Variants in TMEM267 observed in about 807,000 individuals in gnomAD.
The protein encoded by TMEM267 is transmembrane protein 267.
In TMEM267, 20 loss-of-function variants were observed where a neutral mutation model predicts 19.3. The ratio of observed to expected loss-of-function variants is 1.04; its 90% CI spans 0.73 to 1.51. TMEM267 has a LOEUF of 1.51. TMEM267 is among the 40% of genes most tolerant of loss of function. The probability of loss-of-function intolerance (pLI) is 0.00; values close to 1 mark genes in which losing one functional copy is unlikely to be tolerated. For synonymous variants in TMEM267, 88 were observed against 90.3 expected, an observed-to-expected ratio of 0.97 and a Z score of 0.15; for missense variants, 242 against 261.9, an observed-to-expected ratio of 0.92 and a Z score of 0.52.
Position 43,454,023 on chromosome 5 carries a change from C to A in TMEM267, c.-54G>T. The A allele has an allele frequency of 1.9e-6, 3 of 1,558,648 alleles. No homozygotes were observed. Among genetic ancestry groups the A allele is most frequent in the Non-Finnish European group, 2.6e-6 (3 of 1,153,656 alleles). On this transcript the variant is annotated 5_prime_UTR_variant, in exon 2 of 3. Coordinates refer to ENST00000397080, the MANE Select transcript of TMEM267 (RefSeq NM_022483.5). ...AGCCATCAGGAATGAACAGTCTATT[C>A]TTGTTTACATTTCCAGCACCCTAAA...
chr5:43,469,836 A>G (rs1743956457), intron 1 of TMEM267, among the ~76,000 whole-genome samples: 1 of 152,220 alleles, frequency 6.6e-6, no homozygotes, highest in Non-Finnish European at 1.5e-5. Context: ...GCGGATCTCA[A>G]GATCTTTACC....
At position 43,473,681 on chromosome 5, in the gene TMEM267, C is replaced by T. The variant is rs139184408; in HGVS notation, c.-75+10141G>A. Among the ~76,000 whole-genome samples, 1,125 of 152,336 alleles carry T rather than the reference C, an allele frequency of 7.4e-3. 8 individuals are homozygous for T. The highest frequency in any genetic ancestry group is 0.017 in the Middle Eastern group (5 of 294). ...AATGAATATCATGAAAATGGCCATA[C>T]TGCCCAAAGTAATTTACAGATTCAA... On this transcript the variant is annotated intron_variant, in intron 1 of 2. Coordinates refer to ENST00000397080, the MANE Select transcript of TMEM267 (RefSeq NM_022483.5).
chr5:43,475,257 C>T (rs1033214724), intron 1 of TMEM267, among the ~76,000 whole-genome samples: 17 of 151,590 alleles, frequency 1.1e-4, no homozygotes, highest in African/African-American at 3.1e-4. Context: ...TCATTCTCAG[C>T]AAACTAACAG....
chr5:43,484,133 T>G (rs1744984839), upstream of TMEM267: 1 of 152,232 alleles, frequency 6.6e-6, no homozygotes, highest in Non-Finnish European at 1.5e-5. Flanking sequence ...AGGATTCGTT[T>G]TTCAGTTTAG....
chr5:43,459,512 A>G (rs965540267), intron 1 of TMEM267, among the ~76,000 whole-genome samples: 9 of 152,202 alleles, frequency 5.9e-5, no homozygotes, highest in African/African-American at 1.7e-4. Flanking sequence ...CAATATAGAA[A>G]ATAAAGAGAT....
intron 1 of TMEM267, chr5:43,454,644 G>C (rs973592786): frequency 1.3e-5 from 2 of 152,192 alleles, no homozygotes; most frequent in Non-Finnish European, 2.9e-5. Context: ...AAAGGAGAAA[G>C]GCTAATAGAA....
intron 1 of TMEM267, among the ~76,000 whole-genome samples, chr5:43,474,692 G>C (rs1303064838): frequency 6.6e-6 from 1 of 150,450 alleles, no homozygotes; most frequent in Non-Finnish European, 1.5e-5. Flanking sequence ...CCAGCAGGCA[G>C]AGGTTGTGGT....
Position 43,481,106 on chromosome 5 carries a change from CTTTT to C in TMEM267, c.-75+2712_-75+2715del, listed in dbSNP as rs70994700. ...GGCGTGAGCCACTGCGCCCGGCTTACTTTTTTTTTTTTTTTTTTTTGACAAGGTA... is the reference window on the plus strand; with the variant it reads ...GGCGTGAGCCACTGCGCCCGGCTTACTTTTTTTTTTTTTTTTGACAAGGTA... On this transcript the variant is annotated intron_variant, in intron 1 of 2. Transcript: ENST00000397080. Among the ~76,000 whole-genome samples the C allele has an allele frequency of 2.4e-3, 295 of 124,436 alleles. 3 individuals carry two copies. The highest frequency in any genetic ancestry group is 2.8e-3 in the Non-Finnish European group (167 of 60,032). 81.6% of individuals were successfully genotyped at this position (124,436 alleles called of 152,430 possible). A position where few individuals can be genotyped will look rare whatever the true frequency, so the allele number is the denominator to read the frequency against.
At position 43,481,777 on chromosome 5, in the gene TMEM267, G is replaced by A. The variant is rs1025870853; in HGVS notation, c.-75+2045C>T. On this transcript the variant is annotated intron_variant, in intron 1 of 2. Transcript: ENST00000397080. ...CCTGACTGCAACTTCATGAGACCCT[G>A]GGCCAGAACCGCCAGCTAAGTCTTG... Among the ~76,000 whole-genome samples, 3 of 152,024 alleles carry A rather than the reference G, an allele frequency of 2.0e-5. No individual in the cohort carries two copies. In the East Asian group the frequency reaches 5.8e-4, roughly 29 times the overall value.
chr5:43,464,594 G>C (rs1344265650), intron 1 of TMEM267, among the ~76,000 whole-genome samples: 4 of 152,254 alleles, frequency 2.6e-5, no homozygotes, highest in Non-Finnish European at 5.9e-5. Flanking sequence ...CATGGTACTG[G>C]TACCAAAACA....
chr5:43,464,790 T>C (rs907293941), intron 1 of TMEM267, among the ~76,000 whole-genome samples: 1 of 152,170 alleles, frequency 6.6e-6, no homozygotes, highest in Non-Finnish European at 1.5e-5. Context: ...CCTTACACCT[T>C]ATAGAAAAAT....
At position 43,453,672 on chromosome 5, in the gene TMEM267, A is replaced by G. The variant is rs745352757; in HGVS notation, c.298T>C (p.Ser100Pro). ...ATGCTTTTTACCTTTAAAGACATGGATCCAGCTAGAAAAAAGTGGTCTACA... is the reference window on the plus strand; with the variant it reads ...ATGCTTTTTACCTTTAAAGACATGGGTCCAGCTAGAAAAAAGTGGTCTACA... ...IDVDHFFLAGSMSLKAALTLP... is the reference protein window; with the variant it reads ...IDVDHFFLAGPMSLKAALTLP... Residue 100 changes from serine to proline, a missense_variant, in exon 2 of 3, where the codon TCC becomes CCC. By Grantham distance (74) the Ser-to-Pro change is moderately conservative. Transcript: ENST00000397080. 1.2e-6 allele frequency: 2 copies of G among 1,613,804 alleles called. No individual in the cohort carries two copies. The highest frequency in any genetic ancestry group is 1.7e-6 in the Non-Finnish European group (2 of 1,179,888).
At chr5:43,473,558 A>G (rs965981995) in intron 1 of TMEM267, among the ~76,000 whole-genome samples, 8 of 152,224 alleles carry the variant, frequency 5.3e-5, no homozygotes, top group Admixed American at 5.2e-4. Context: ...AGGGATATGA[A>G]GGACCTCTTC....
chr5:43,460,129 A>G (rs1477135895), intron 1 of TMEM267, among the ~76,000 whole-genome samples: 2 of 152,170 alleles, frequency 1.3e-5, no homozygotes, highest in Non-Finnish European at 2.9e-5. Context: ...TCCAATGAGA[A>G]GCTAACGCTG....
rs1192247450 is a variant in TMEM267, at chr5:43,445,672, T to C, written c.*550A>G. On this transcript the variant is annotated 3_prime_UTR_variant, in exon 3 of 3. Coordinates refer to ENST00000397080, the MANE Select transcript of TMEM267 (RefSeq NM_022483.5). ...AGGTTTTGCCAGTAATCATAACTCATAAAGCATTCTGCAAATTAAATTTCA... is the reference window on the plus strand; with the variant it reads ...AGGTTTTGCCAGTAATCATAACTCACAAAGCATTCTGCAAATTAAATTTCA... The C allele has an allele frequency of 6.6e-6, 1 of 152,240 alleles. No individual in the cohort carries two copies. Among genetic ancestry groups the C allele is most frequent in the Non-Finnish European group, 1.5e-5 (1 of 68,062 alleles). The allele number at this position is 152,240 out of a possible 1,614,324, so 9.4% of individuals were successfully genotyped here. A position where few individuals can be genotyped will look rare whatever the true frequency, so the allele number is the denominator to read the frequency against.
In TMEM267 at chr5:43,483,825, G is replaced by A. The variant is rs116438961; in HGVS notation, c.-78C>T. The A allele has an allele frequency of 7.9e-3, 1,201 of 152,390 alleles. 5 individuals are homozygous for A. Among genetic ancestry groups the A allele is most frequent in the Admixed American group, 0.01 (160 of 15,298 alleles). 9.4% of individuals were successfully genotyped at this position (152,390 alleles called of 1,614,324 possible). A position where few individuals can be genotyped will look rare whatever the true frequency, so the allele number is the denominator to read the frequency against. On this transcript the variant is annotated 5_prime_UTR_variant, in exon 1 of 3. Transcript: ENST00000397080. ...GCAGCGGCTCAGCCATACCCACCCCGGCTTCTCTGAGTTCAATCCAGCAGC... is the reference window on the plus strand; with the variant it reads ...GCAGCGGCTCAGCCATACCCACCCCAGCTTCTCTGAGTTCAATCCAGCAGC...
At chr5:43,480,176 AG>A (rs1744675034) in intron 1 of TMEM267, among the ~76,000 whole-genome samples, 1 of 152,170 alleles carries the variant, frequency 6.6e-6, no homozygotes, top group African/African-American at 2.4e-5. Flanking sequence ...CCTTCAATAA[AG>A]TATGGCCTGT....
intron 1 of TMEM267, among the ~76,000 whole-genome samples, chr5:43,477,142 C>T (rs928909944): frequency 2.0e-5 from 3 of 151,910 alleles, no homozygotes; most frequent in African/African-American, 4.8e-5. Context: ...TAAAAAACTA[C>T]GATCGCCCTA....
intron 2 of TMEM267, among the ~76,000 whole-genome samples, chr5:43,451,267 T>C (rs565918674): frequency 6.6e-6 from 1 of 152,214 alleles, no homozygotes; most frequent in Non-Finnish European, 1.5e-5. Context: ...GGGAACTTAA[T>C]TAAACTAAAG....
Sources: gnomAD v4.1 joint callset for allele counts (sites outside exome capture counted in the v4.1 genomes callset) on GRCh38, gnomAD v4.1.1 for gene constraint, MANE v1.5 for transcripts, NCBI Gene and HGNC (gene_info 2026-07-23, HGNC 2026-07-21) for gene names.